KCNH8: variants seen among roughly 807,000 people sequenced by gnomAD.
KCNH8 encodes voltage-gated delayed rectifier potassium channel KCNH8.
A neutral mutation model predicts 103.6 loss-of-function variants in KCNH8; 70 were observed. The ratio of observed to expected loss-of-function variants is 0.68; its 90% confidence interval spans 0.56 to 0.82. The LOEUF is 0.82. Ranked by LOEUF, KCNH8 falls within the 40% of genes least tolerant of loss-of-function variation. KCNH8 has a pLI of 0.00. For synonymous variants in KCNH8, 498 were observed against 489.4 expected (o/e 1.02, Z -0.23); for missense variants, 1,217 against 1,329.9 (o/e 0.92, Z 1.32).
At position 19,388,226 on chromosome 3, in the gene KCNH8, G is replaced by A. The variant is rs541721980; in HGVS notation, c.812-2255G>A. ...ATTGCGGAAACCAAACATCACTAATGAGCTTAGTAAACAACTCTGGGTTTT... is the reference window on the plus strand; with the variant it reads ...ATTGCGGAAACCAAACATCACTAATAAGCTTAGTAAACAACTCTGGGTTTT... On this transcript the variant is annotated intron_variant, in intron 5 of 15. Transcript: ENST00000328405. Among the ~76,000 whole-genome samples the A allele has an allele frequency of 1.4e-3, 206 of 152,188 alleles. 2 individuals carry two copies. Among genetic ancestry groups the A allele is most frequent in the African/African-American group, 4.6e-3 (192 of 41,526 alleles).
intron 3 of KCNH8, among the ~76,000 whole-genome samples, chr3:19,299,420 G>A (rs562709325): frequency 1.3e-5 from 2 of 152,074 alleles, no homozygotes; most frequent in African/African-American, 4.8e-5. Context: ...GCTTGAGTCT[G>A]GAAGTTCGAG....
At chr3:19,311,914 T>C (rs1442272729) in intron 3 of KCNH8, among the ~76,000 whole-genome samples, 1 of 152,004 alleles carries the variant, frequency 6.6e-6, no homozygotes, top group African/African-American at 2.4e-5. Context: ...TGGAATTTTC[T>C]AGATTTTCTG....
intron 11 of KCNH8, among the ~76,000 whole-genome samples, chr3:19,497,174 G>A (rs181895233): frequency 3.3e-4 from 50 of 150,252 alleles, no homozygotes; most frequent in East Asian, 1.2e-3. Context: ...ATGGTCTGTC[G>A]TATTAATTTT....
intron 5 of KCNH8, among the ~76,000 whole-genome samples, chr3:19,372,908 T>G (rs953094324): frequency 1.3e-5 from 2 of 152,084 alleles, no homozygotes; most frequent in Admixed American, 1.3e-4. Context: ...TATGCTGGAT[T>G]ACATTTATTG....
chr3:19,160,619 T>A (rs1438079183), intron 1 of KCNH8, among the ~76,000 whole-genome samples: 1 of 152,144 alleles, frequency 6.6e-6, no homozygotes, highest in Non-Finnish European at 1.5e-5. Flanking sequence ...TTTCCATGAT[T>A]TCAATTATGT....
rs372416274 is a variant in KCNH8 at position 19,518,007 on chromosome 3, T to C, written c.2552T>C (p.Ile851Thr). The change falls in exon 15 of 16, where the codon ATT becomes ACT. Residue 851 changes from isoleucine to threonine, a missense_variant. Ile to Thr is a moderately conservative substitution (Grantham distance 89, BLOSUM62 -1). Coordinates refer to ENST00000328405, the MANE Select transcript of KCNH8 (RefSeq NM_144633.3). ...RISPPLGDPE[I>T]GAAVLFIKAE... The stretch of plus-strand genomic sequence containing the variant: ...GTGTGTCACTTTTCAGATCCAGAGA[T>C]TGGAGCTGCTGTTCTCTTCATCAAA... 13 of 1,611,892 alleles carry C rather than the reference T, an allele frequency of 8.1e-6. No homozygotes were observed. The African/African-American group carries it at 1.5e-4, about 18-fold the overall frequency.
At chr3:19,396,532 T>C (rs2066521246) in intron 7 of KCNH8, among the ~76,000 whole-genome samples, 1 of 152,064 alleles carries the variant, frequency 6.6e-6, no homozygotes, top group African/African-American at 2.4e-5. Flanking sequence ...TCTTATCTTC[T>C]TTATCAAAGC....
chr3:19,456,883 C>G lies in KCNH8; in HGVS notation c.1941C>G (p.Leu647=). 6.2e-7 allele frequency: 1 copy of G among 1,612,578 alleles called. No individual in the cohort carries two copies. The highest frequency in any genetic ancestry group is 8.5e-7 in the Non-Finnish European group (1 of 1,178,998). Residue 647 remains leucine, a synonymous_variant, in exon 11 of 16, where the codon CTC becomes CTG. Coordinates refer to ENST00000328405, the MANE Select transcript of KCNH8 (RefSeq NM_144633.3). ...CDLQCIILKG[L]FEVLDLYPEY... is the part of the protein sequence containing the mutation. ...TCCAGTGTATCATCCTCAAAGGACT[C>G]TTTGAAGTGCTAGACCTTTACCCAG...
At chr3:19,312,483 C>T (rs965682649) in intron 3 of KCNH8, among the ~76,000 whole-genome samples, 2 of 151,734 alleles carry the variant, frequency 1.3e-5, no homozygotes, top group South Asian at 2.1e-4. Flanking sequence ...CGTACATACT[C>T]GGAATATATT....
intron 3 of KCNH8, among the ~76,000 whole-genome samples, chr3:19,309,410 T>G (rs925872487): frequency 6.6e-6 from 1 of 152,018 alleles, no homozygotes; most frequent in African/African-American, 2.4e-5. Flanking sequence ...CACATCTTCA[T>G]AGGCATACTA....
At chr3:19,187,688 G>T (rs1036981110) in intron 1 of KCNH8, among the ~76,000 whole-genome samples, 4 of 152,068 alleles carry the variant, frequency 2.6e-5, no homozygotes, top group African/African-American at 4.8e-5. Flanking sequence ...GAACCTGGGT[G>T]TTAACAAATG....
chr3:19,194,100 A>G (rs1168845342), intron 1 of KCNH8, among the ~76,000 whole-genome samples: 1 of 151,910 alleles, frequency 6.6e-6, no homozygotes, highest in Admixed American at 6.6e-5. Flanking sequence ...CATTTCCAGA[A>G]ACATCTTCTG....
chr3:19,391,492 G>T (rs1429957706), intron 6 of KCNH8, among the ~76,000 whole-genome samples: 1 of 151,998 alleles, frequency 6.6e-6, no homozygotes, highest in South Asian at 2.1e-4. Context: ...TCAATTGACA[G>T]TGCTTTATAG....
chr3:19,307,506 A>G (rs1317636840), intron 3 of KCNH8, among the ~76,000 whole-genome samples: 1 of 151,980 alleles, frequency 6.6e-6, no homozygotes, highest in Non-Finnish European at 1.5e-5. Flanking sequence ...CTGCAAAAAG[A>G]ACTACCTTAT....
rs148651388 is a variant in KCNH8, at chr3:19,441,823, A to G, written c.1375+3462A>G. ...AGATGGCTCCTACAGGCTTCCTTGC[A>G]TGAGAGATGTGATATGAGTGTGTGG... On this transcript the variant is annotated intron_variant, in intron 8 of 15. Coordinates refer to ENST00000328405, the MANE Select transcript of KCNH8 (RefSeq NM_144633.3). Among the ~76,000 whole-genome samples, 104 of 152,308 alleles carry G rather than the reference A, an allele frequency of 6.8e-4. 3 individuals are homozygous for G. In the East Asian group the frequency reaches 0.017, roughly 25 times the overall value.
chr3:19,308,287 A>AT (rs1289914239), intron 3 of KCNH8, among the ~76,000 whole-genome samples: 1 of 128,788 alleles, frequency 7.8e-6, no homozygotes, highest in East Asian at 2.1e-4. Flanking sequence ...TTTTTCCCTC[A>AT]TTAAAAAAAA....
intron 3 of KCNH8, among the ~76,000 whole-genome samples, chr3:19,297,005 C>G (rs905417169): frequency 2.6e-5 from 4 of 151,836 alleles, no homozygotes; most frequent in African/African-American, 9.7e-5. Context: ...CATCTTAGTG[C>G]AAAGGTGGAA....
At chr3:19,439,164 G>A (rs993174931) in intron 8 of KCNH8, among the ~76,000 whole-genome samples, 3 of 152,094 alleles carry the variant, frequency 2.0e-5, no homozygotes, top group Admixed American at 1.3e-4. Context: ...ACTTTGGAAA[G>A]CTCAAAACAT....
chr3:19,230,402 G>A lies in KCNH8; in HGVS notation c.77-23252G>A, dbSNP rs560272181. Among the ~76,000 whole-genome samples the A allele has an allele frequency of 2.0e-5, 3 of 152,274 alleles. No homozygotes were observed. The East Asian group carries it at 5.8e-4, about 29-fold the overall frequency. On this transcript the variant is annotated intron_variant, in intron 1 of 15. Transcript: ENST00000328405. ...TATCTAAATTTTACAGTTGCAAACA[G>A]TAAACATAGAAGTTTAATAAAATCT...
Sources: allele counts gnomAD v4.1 joint callset (sites outside exome capture counted in the v4.1 genomes callset), GRCh38; gene constraint gnomAD v4.1.1; transcripts MANE v1.5; gene names NCBI Gene and HGNC (gene_info 2026-07-23, HGNC 2026-07-21).